NPAS3: variants seen among roughly 807,000 people sequenced by gnomAD.
NPAS3 encodes the protein neuronal PAS domain protein 3.
In NPAS3, 14 loss-of-function variants were observed where a neutral mutation model predicts 73.1. The observed-to-expected ratio is 0.19, with a 90% CI of 0.13 to 0.30. The LOEUF is 0.30. Ranked by LOEUF, NPAS3 falls within the 10% of genes least tolerant of loss-of-function variation. The pLI, the probability that NPAS3 is intolerant of heterozygous loss-of-function variation, is 1.00. For missense variants in NPAS3, 1,096 were observed against 1,250.0 expected (o/e 0.88, Z 1.86); for synonymous variants, 620 against 541.5 (o/e 1.14, Z -2.01).
At chr14:33,326,573 C>G (rs984219292) in intron 3 of NPAS3, among the ~76,000 whole-genome samples, 1 of 152,168 alleles carries the variant, frequency 6.6e-6, no homozygotes, top group Non-Finnish European at 1.5e-5. Context: ...TTATTATATG[C>G]AGAAACAGTT....
chr14:33,340,220 C>T (rs145592661), intron 3 of NPAS3, among the ~76,000 whole-genome samples: 1,663 of 152,308 alleles, frequency 0.011, 18 homozygotes, highest in Non-Finnish European at 0.013. Context: ...CCTGGCTAGG[C>T]ATAGTGGCTC....
intron 4 of NPAS3, among the ~76,000 whole-genome samples, chr14:33,558,669 C>A (rs1374820782): frequency 2.0e-5 from 3 of 151,246 alleles, no homozygotes; most frequent in Admixed American, 2.0e-4. Context: ...ATATACATTC[C>A]CCCAAAATTC....
chr14:33,756,358 C>T (rs565007886), intron 7 of NPAS3, among the ~76,000 whole-genome samples: 42 of 152,260 alleles, frequency 2.8e-4, no homozygotes, highest in African/African-American at 1.0e-3. Context: ...CACGAAGTAA[C>T]TAACCCCCAA....
At position 33,676,197 on chromosome 14, in the gene NPAS3, C is replaced by CT; in HGVS notation, c.559-13dup. 6.2e-7 allele frequency: 1 copy of CT among 1,613,244 alleles called. No homozygotes were observed. Among genetic ancestry groups the CT allele is most frequent in the African/African-American group, 1.3e-5 (1 of 74,986 alleles). On this transcript the variant is annotated splice_polypyrimidine_tract_variant and intron_variant, in intron 5 of 11. Transcript: ENST00000356141. ...ATAATGTCTTTCCTTCCCACCCTTT[C>CT]TCTCGCCCTCTAGGTGGAGCTGACA...
At chr14:33,173,270 T>C (rs776166945) in intron 2 of NPAS3, among the ~76,000 whole-genome samples, 1 of 152,228 alleles carries the variant, frequency 6.6e-6, no homozygotes, top group Non-Finnish European at 1.5e-5. Flanking sequence ...TGCCAAGTTA[T>C]GAACTCCCAG....
intron 2 of NPAS3, among the ~76,000 whole-genome samples, chr14:33,197,677 C>T (rs927481323): frequency 2.6e-5 from 4 of 152,242 alleles, no homozygotes; most frequent in African/African-American, 9.6e-5. Flanking sequence ...CTTTTGCAAA[C>T]TGCAGAAGAC....
intron 6 of NPAS3, among the ~76,000 whole-genome samples, chr14:33,690,008 T>A (rs1009583970): frequency 1.3e-5 from 2 of 152,174 alleles, no homozygotes; most frequent in African/African-American, 4.8e-5. Flanking sequence ...GAATAGTGTA[T>A]ATGACGTGCT....
At chr14:33,366,395 T>C (rs1165796291) in intron 3 of NPAS3, among the ~76,000 whole-genome samples, 2 of 152,072 alleles carry the variant, frequency 1.3e-5, no homozygotes, top group Admixed American at 6.6e-5. Flanking sequence ...TTAAACCCAC[T>C]TTTGTTAAGG....
chr14:33,219,126 A>ATATTG (rs1434991177), intron 3 of NPAS3, among the ~76,000 whole-genome samples: 3 of 152,242 alleles, frequency 2.0e-5, no homozygotes. Context: ...TTTCAGCTAA[A>ATATTG]TAACTGATGA....
chr14:33,512,617 T>C (rs1432106507), intron 4 of NPAS3, among the ~76,000 whole-genome samples: 2 of 152,102 alleles, frequency 1.3e-5, no homozygotes, highest in Non-Finnish European at 2.9e-5. Flanking sequence ...CATTTTGATG[T>C]GGGGTTTGCA....
chr14:33,197,491 C>T (rs566427912), intron 2 of NPAS3, among the ~76,000 whole-genome samples: 1 of 151,368 alleles, frequency 6.6e-6, no homozygotes, highest in Non-Finnish European at 1.5e-5. Context: ...CAGAGGGAAG[C>T]GTATACTGCC....
chr14:32,994,509 T>G (rs2038471690), intron 1 of NPAS3, among the ~76,000 whole-genome samples: 1 of 152,050 alleles, frequency 6.6e-6, no homozygotes, highest in Admixed American at 6.6e-5. Flanking sequence ...ATAAAAATGA[T>G]TTTATGTAAA....
chr14:33,178,509 A>T (rs2045680718), intron 2 of NPAS3, among the ~76,000 whole-genome samples: 1 of 152,122 alleles, frequency 6.6e-6, no homozygotes, highest in South Asian at 2.1e-4. Context: ...GACTTCTTTC[A>T]GCAATATTTT....
intron 1 of NPAS3, 107 bp from the exon 2 acceptor site, chr14:33,055,798 A>G: frequency 2.3e-5 from 12 of 529,338 alleles, no homozygotes; most frequent in Middle Eastern, 2.8e-4. Context: ...AGAGCTCAAA[A>G]GCGTAAAAAG....
intron 6 of NPAS3, among the ~76,000 whole-genome samples, chr14:33,728,511 T>C (rs919274816): frequency 2.6e-5 from 4 of 152,198 alleles, no homozygotes; most frequent in African/African-American, 9.7e-5. Context: ...AGAGCAAGCA[T>C]TGAAGCTGAT....
At chr14:33,282,324 C>T (rs1200783940) in intron 3 of NPAS3, among the ~76,000 whole-genome samples, 2 of 152,180 alleles carry the variant, frequency 1.3e-5, no homozygotes. Flanking sequence ...GCTTGCAAAG[C>T]GTCCAGTTCT....
At chr14:32,946,346 G>GTGCA (rs2036252638) in intron 1 of NPAS3, among the ~76,000 whole-genome samples, 3 of 131,972 alleles carry the variant, frequency 2.3e-5, no homozygotes, top group South Asian at 2.7e-4. Context: ...ACACACACAC[G>GTGCA]CGCACACACA....
At chr14:33,215,380 G>T (rs199601902) in exon 3 of NPAS3, 1 of 1,613,892 alleles carries the variant, frequency 6.2e-7, no homozygotes, top group South Asian at 1.1e-5. Context: ...GGGACCCTCC[G>T]TGGAACTTGC....
intron 3 of NPAS3, among the ~76,000 whole-genome samples, chr14:33,222,665 T>A (rs762355345): frequency 6.6e-6 from 1 of 152,238 alleles, no homozygotes; most frequent in Non-Finnish European, 1.5e-5. Flanking sequence ...TTATTCCTTT[T>A]TATATCTCCA....
Sources: allele counts gnomAD v4.1 joint callset (sites outside exome capture counted in the v4.1 genomes callset), GRCh38; gene constraint gnomAD v4.1.1; transcripts MANE v1.5; gene names NCBI Gene and HGNC (gene_info 2026-07-23, HGNC 2026-07-21).